Variants in ACTL8 observed in about 807,000 individuals in gnomAD.
The protein encoded by ACTL8 is actin like 8, also known as actin-like protein 8.
In ACTL8, 3 loss-of-function variants were observed where a neutral mutation model predicts 9.3. That is an observed-to-expected ratio of 0.32 (90% CI 0.15 to 0.83). ACTL8 has a LOEUF of 0.83. ACTL8 is among the 40% of genes least tolerant of loss of function. The probability of loss-of-function intolerance (pLI) is 0.57; values close to 1 mark genes in which losing one functional copy is unlikely to be tolerated. For missense variants in ACTL8, 381 were observed against 492.2 expected (o/e 0.77, Z 2.14); for synonymous variants, 224 against 205.9 (o/e 1.09, Z -0.75).
chr1:17,797,618 C>T (rs2066286805), intron 1 of ACTL8, among the ~76,000 whole-genome samples: 1 of 152,164 alleles, frequency 6.6e-6, no homozygotes, highest in Admixed American at 6.5e-5. Context: ...CCTTCCTGTC[C>T]TGCCTTCAGA....
At chr1:17,806,558 G>C (rs571647682) in intron 1 of ACTL8, among the ~76,000 whole-genome samples, 1 of 152,348 alleles carries the variant, frequency 6.6e-6, no homozygotes, top group South Asian at 2.1e-4. Flanking sequence ...TGGTCCCCAG[G>C]AAGGGGACTT....
intron 1 of ACTL8, among the ~76,000 whole-genome samples, chr1:17,816,874 AT>A (rs756002104): frequency 1.2e-4 from 19 of 152,052 alleles, no homozygotes; most frequent in Admixed American, 2.6e-4. Context: ...GAGAGACAGG[AT>A]TTTGCTCAGT....
chr1:17,798,132 G>A (rs989074597), intron 1 of ACTL8, among the ~76,000 whole-genome samples: 1 of 152,222 alleles, frequency 6.6e-6, no homozygotes, highest in Non-Finnish European at 1.5e-5. Context: ...TTAGGCTGGT[G>A]TGCCTAGAAG....
intron 1 of ACTL8, among the ~76,000 whole-genome samples, chr1:17,799,757 C>G (rs1208312135): frequency 6.6e-6 from 1 of 152,198 alleles, no homozygotes; most frequent in Non-Finnish European, 1.5e-5. Flanking sequence ...CATCTGGGTT[C>G]TGTCCTGTGT....
chr1:17,805,377 CTTTTTTTTTT>C (rs56870755), intron 1 of ACTL8, among the ~76,000 whole-genome samples: 1,271 of 100,192 alleles, frequency 0.013, 44 homozygotes, highest in African/African-American at 0.051. Context: ...TTTTCTTTTT[CTTTTTTTTTT>C]TTTTTTTTTT....
At chr1:17,807,178 T>G (rs1423670480) in intron 1 of ACTL8, among the ~76,000 whole-genome samples, 1 of 152,246 alleles carries the variant, frequency 6.6e-6, no homozygotes, top group Non-Finnish European at 1.5e-5. Flanking sequence ...CTTCTCAAAG[T>G]CAGATGACCA....
intron 1 of ACTL8, among the ~76,000 whole-genome samples, chr1:17,797,553 T>C (rs78929978): frequency 0.011 from 1,637 of 152,322 alleles, 26 homozygotes; most frequent in African/African-American, 0.038. Context: ...ATTGTGACTC[T>C]GCAGGCGGAC....
chr1:17,785,427 G>A (rs1291059269), intron 1 of ACTL8, among the ~76,000 whole-genome samples: 1 of 152,190 alleles, frequency 6.6e-6, no homozygotes, highest in Non-Finnish European at 1.5e-5. Context: ...TTCTTGATAG[G>A]AACATTTGGA....
chr1:17,758,034 C>T (rs1404447591), intron 1 of ACTL8, among the ~76,000 whole-genome samples: 3 of 152,182 alleles, frequency 2.0e-5, no homozygotes, highest in Non-Finnish European at 2.9e-5. Flanking sequence ...ACCTATGTTC[C>T]ACAAGAAGGA....
At chr1:17,783,848 C>A (rs116556580) in intron 1 of ACTL8, among the ~76,000 whole-genome samples, 1 of 152,216 alleles carries the variant, frequency 6.6e-6, no homozygotes, top group Non-Finnish European at 1.5e-5. Flanking sequence ...ATCTTGGGCC[C>A]TTGGCTGAAA....
intron 1 of ACTL8, among the ~76,000 whole-genome samples, chr1:17,785,159 A>C (rs570225789): frequency 6.6e-6 from 1 of 152,226 alleles, no homozygotes; most frequent in Non-Finnish European, 1.5e-5. Context: ...GTGGGGACAC[A>C]GCCAAACCAT....
chr1:17,790,165 G>A (rs576488403), intron 1 of ACTL8, among the ~76,000 whole-genome samples: 11 of 152,334 alleles, frequency 7.2e-5, no homozygotes, highest in South Asian at 2.1e-4. Flanking sequence ...GGCTGGCACC[G>A]GGGAACACAA....
chr1:17,762,788 C>T (rs1004188340), intron 1 of ACTL8, among the ~76,000 whole-genome samples: 9 of 152,144 alleles, frequency 5.9e-5, no homozygotes, highest in Non-Finnish European at 1.2e-4. Context: ...CCTTGTTCCC[C>T]GGTGACTCCT....
chr1:17,803,313 A>G (rs1418126042), intron 1 of ACTL8, among the ~76,000 whole-genome samples: 1 of 152,176 alleles, frequency 6.6e-6, no homozygotes, highest in African/African-American at 2.4e-5. Flanking sequence ...CCATGCGGAA[A>G]TGTGAGTCAA....
chr1:17,770,995 T>A lies in ACTL8; in HGVS notation c.-25+15491T>A, dbSNP rs114823455. Among the ~76,000 whole-genome samples, 979 of 152,246 alleles carry A rather than the reference T, an allele frequency of 6.4e-3. 9 individuals are homozygous for A. The highest frequency in any genetic ancestry group is 0.022 in the African/African-American group (934 of 41,520). On this transcript the variant is annotated intron_variant, in intron 1 of 2. Transcript: ENST00000375406. Reference sequence around the variant, plus strand: ...TGAGCTTCTAAGAACTCATCTGTAATGGGAAGATGACAGCAGTTACCGCCT... The same window carrying A: ...TGAGCTTCTAAGAACTCATCTGTAAAGGGAAGATGACAGCAGTTACCGCCT...
chr1:17,820,688 C>G (rs112249136), intron 1 of ACTL8, among the ~76,000 whole-genome samples: 9 of 152,016 alleles, frequency 5.9e-5, no homozygotes, highest in South Asian at 4.2e-4. Flanking sequence ...CTCCCTCAGC[C>G]CCCCCAGTAG....
Position 17,826,231 on chromosome 1 carries a change from C to T in ACTL8, c.813C>T (p.Ser271=). 6.2e-7 allele frequency: 1 copy of T among 1,613,484 alleles called. No homozygotes were observed. The highest frequency in any genetic ancestry group is 8.5e-7 in the Non-Finnish European group (1 of 1,179,888). ...AGGTGTTCGAGCAGCCGGGGCCCAGCATCCCACGGGCCATTGTGGAATCCG... is the reference window on the plus strand; with the variant it reads ...AGGTGTTCGAGCAGCCGGGGCCCAGTATCCCACGGGCCATTGTGGAATCCG... ...SPQVFEQPGP[S]IPRAIVESVE... is the part of the protein sequence containing the mutation. Residue 271 remains serine, a synonymous_variant, in exon 3 of 3, where the codon AGC becomes AGT. Transcript: ENST00000375406. This position sits in a 1 kb window ranked among gnomAD's most constrained non-coding sequence, Gnocchi z 4.5.
chr1:17,798,202 A>C (rs1416636937), intron 1 of ACTL8, among the ~76,000 whole-genome samples: 1 of 119,094 alleles, frequency 8.4e-6, no homozygotes, highest in Non-Finnish European at 1.7e-5. Context: ...CTTTTCCTGA[A>C]ATATGCAGTG....
rs189070522 is a variant in ACTL8, at chr1:17,823,581, A to G, written c.348+225A>G. On this transcript the variant is annotated intron_variant, in intron 2 of 2. Coordinates refer to ENST00000375406, the MANE Select transcript of ACTL8 (RefSeq NM_030812.3). The surrounding 1 kb of genome is among the most constrained non-coding windows in gnomAD (Gnocchi z 5.3). ...AATATAGTGAGACCCCTGTCTCTAT[A>G]AAAAATACAAAAATTAGCCAGGTGT... Among the ~76,000 whole-genome samples, 3 of 151,016 alleles carry G rather than the reference A, an allele frequency of 2.0e-5. No individual in the cohort carries two copies. Among genetic ancestry groups the G allele is most frequent in the East Asian group, 3.9e-4 (2 of 5,158 alleles).
Sources: gnomAD v4.1 joint callset for allele counts (sites outside exome capture counted in the v4.1 genomes callset) on GRCh38, gnomAD v4.1.1 for gene constraint, Gnocchi (gnomAD v3.1) non-coding constraint, MANE v1.5 for transcripts, NCBI Gene and HGNC (gene_info 2026-07-23, HGNC 2026-07-21) for gene names.